LDLRAD4: variants seen among roughly 807,000 people sequenced by gnomAD.
LDLRAD4 encodes the protein low density lipoprotein receptor class A domain containing 4, also known as low-density lipoprotein receptor class A domain-containing protein 4.
LDLRAD4 carries 5 observed loss-of-function variants against 17.0 expected under a neutral mutation model. That is an observed-to-expected ratio of 0.29 (90% CI 0.15 to 0.62). LDLRAD4 has a LOEUF of 0.62. LDLRAD4 is among the 20% of genes least tolerant of loss of function. The probability of loss-of-function intolerance (pLI) is 0.84; values close to 1 mark genes in which losing one functional copy is unlikely to be tolerated. For synonymous variants in LDLRAD4, 168 were observed against 171.8 expected, an observed-to-expected ratio of 0.98 and a Z score of 0.17; for missense variants, 340 against 424.7, an observed-to-expected ratio of 0.80 and a Z score of 1.75.
chr18:13,434,781 T>C (rs2090550359), intron 2 of LDLRAD4, among the ~76,000 whole-genome samples: 1 of 152,252 alleles, frequency 6.6e-6, no homozygotes, highest in African/African-American at 2.4e-5. Flanking sequence ...ATTTTAGTTT[T>C]CTTCTTTGTA....
At chr18:13,469,624 A>T (rs1444128486) in intron 3 of LDLRAD4, among the ~76,000 whole-genome samples, 1 of 152,274 alleles carries the variant, frequency 6.6e-6, no homozygotes, top group East Asian at 1.9e-4. Flanking sequence ...CTAAAATATA[A>T]GATATGACAA....
At chr18:13,643,127 G>T (rs1214678717) in intron 4 of LDLRAD4, among the ~76,000 whole-genome samples, 2 of 151,742 alleles carry the variant, frequency 1.3e-5, no homozygotes, top group Non-Finnish European at 2.9e-5. Context: ...GTAGAGACGG[G>T]GTTTCACCAT....
intron 2 of LDLRAD4, among the ~76,000 whole-genome samples, chr18:13,407,923 C>T (rs1006356857): frequency 6.6e-6 from 1 of 152,230 alleles, no homozygotes; most frequent in Non-Finnish European, 1.5e-5. Flanking sequence ...GTTTGACAAA[C>T]GGCACCCCCC....
chr18:13,220,359 A>G (rs2145302807), intron 1 of LDLRAD4, among the ~76,000 whole-genome samples: 1 of 152,316 alleles, frequency 6.6e-6, no homozygotes, highest in South Asian at 2.1e-4. Context: ...ATTGTTGGCC[A>G]TGGTCCTGGT....
intron 3 of LDLRAD4, among the ~76,000 whole-genome samples, chr18:13,504,298 C>T (rs1038614692): frequency 2.0e-5 from 3 of 152,262 alleles, no homozygotes; most frequent in Admixed American, 2.0e-4. Context: ...GTGTGGCATT[C>T]ACAGTGGCAT....
At chr18:13,468,956 T>A (rs1483005732) in intron 3 of LDLRAD4, among the ~76,000 whole-genome samples, 1 of 151,788 alleles carries the variant, frequency 6.6e-6, no homozygotes, top group African/African-American at 2.4e-5. Flanking sequence ...CATATGTAAC[T>A]AACCTGCACA....
intron 1 of LDLRAD4, among the ~76,000 whole-genome samples, chr18:13,239,323 T>C (rs1431067367): frequency 6.6e-6 from 1 of 152,126 alleles, no homozygotes; most frequent in Non-Finnish European, 1.5e-5. Context: ...CCAGTGAGAT[T>C]AGCCTGCTGA....
intron 3 of LDLRAD4, among the ~76,000 whole-genome samples, chr18:13,448,687 C>T (rs1284471006): frequency 6.6e-6 from 1 of 151,706 alleles, no homozygotes; most frequent in Admixed American, 6.6e-5. Context: ...GGAGGTGACG[C>T]AGCAGCTTGC....
chr18:13,289,075 G>T (rs1391996695), intron 1 of LDLRAD4, among the ~76,000 whole-genome samples: 1 of 152,202 alleles, frequency 6.6e-6, no homozygotes, highest in Admixed American at 6.5e-5. Flanking sequence ...AAGGAGCTGG[G>T]ACTCTGTTCC....
At chr18:13,315,713 G>A (rs977777765) in intron 1 of LDLRAD4, among the ~76,000 whole-genome samples, 2 of 150,920 alleles carry the variant, frequency 1.3e-5, no homozygotes, top group Admixed American at 1.3e-4. Context: ...GAACCTGGGA[G>A]TTGGAGGTTG....
intron 1 of LDLRAD4, among the ~76,000 whole-genome samples, chr18:13,248,962 C>A (rs1324160022): frequency 1.3e-5 from 2 of 152,208 alleles, no homozygotes; most frequent in Non-Finnish European, 2.9e-5. Context: ...TCTATGAGGT[C>A]AACTTTTTAC....
chr18:13,550,426 T>C (rs2094419859), intron 3 of LDLRAD4, among the ~76,000 whole-genome samples: 1 of 152,204 alleles, frequency 6.6e-6, no homozygotes, highest in Admixed American at 6.5e-5. Flanking sequence ...GAACCTGTCA[T>C]GGGTCTGTGG....
intron 4 of LDLRAD4, among the ~76,000 whole-genome samples, chr18:13,627,425 C>T (rs984292146): frequency 2.3e-4 from 35 of 152,122 alleles, no homozygotes; most frequent in African/African-American, 8.5e-4. Flanking sequence ...CTGTCTCTCG[C>T]TGGGGACCCT....
At position 13,645,351 on chromosome 18, in the gene LDLRAD4, G is replaced by C; in HGVS notation, c.615G>C (p.Val205=). The change falls in exon 6 of 6, where the codon GTG becomes GTC. Residue 205 remains valine (V), a synonymous_variant. Coordinates refer to ENST00000359446, the Ensembl canonical transcript of LDLRAD4. This position sits in a 1 kb window ranked among gnomAD's most constrained non-coding sequence, Gnocchi z 5.7. ...AGATGGAACTCAACCGAGAGTCCGT[G>C]AGGGCCCCACCCAACCGAACCATAT... 6.2e-7 allele frequency: 1 copy of C among 1,614,212 alleles called. No individual in the cohort carries two copies. Among genetic ancestry groups the C allele is most frequent in the Non-Finnish European group, 8.5e-7 (1 of 1,180,050 alleles).
chr18:13,239,646 G>A (rs2042527031), intron 1 of LDLRAD4: 1 of 152,288 alleles, frequency 6.6e-6, no homozygotes, highest in Non-Finnish European at 1.5e-5. Flanking sequence ...GAACAGCTGC[G>A]CTCATTCACT....
chr18:13,226,467 T>C (rs777823045), intron 1 of LDLRAD4, among the ~76,000 whole-genome samples: 60 of 152,000 alleles, frequency 3.9e-4, no homozygotes, highest in Non-Finnish European at 7.8e-4. Flanking sequence ...AGAGGGTGAC[T>C]GCACCCTTGT....
intron 1 of LDLRAD4, among the ~76,000 whole-genome samples, chr18:13,331,156 G>C (rs779301802): frequency 2.0e-5 from 3 of 152,238 alleles, no homozygotes; most frequent in Admixed American, 2.0e-4. Context: ...TTTATAGCTT[G>C]TCAGCCAGAA....
At chr18:13,403,336 G>T (rs957954375) in intron 2 of LDLRAD4, among the ~76,000 whole-genome samples, 1 of 152,182 alleles carries the variant, frequency 6.6e-6, no homozygotes, top group Non-Finnish European at 1.5e-5. Flanking sequence ...AAAACATGGG[G>T]ACTGGAGTCT....
intron 3 of LDLRAD4, among the ~76,000 whole-genome samples, chr18:13,491,989 A>G (rs969764142): frequency 2.0e-5 from 3 of 152,218 alleles, no homozygotes; most frequent in African/African-American, 7.2e-5. Context: ...TGTTCCTAGC[A>G]CTGAAATCCT....
Sources: allele counts gnomAD v4.1 joint callset (sites outside exome capture counted in the v4.1 genomes callset), GRCh38; gene constraint gnomAD v4.1.1; non-coding constraint Gnocchi (gnomAD v3.1); transcripts MANE v1.5; gene names NCBI Gene and HGNC (gene_info 2026-07-23, HGNC 2026-07-21).